The following UTP11 variants were observed in gnomAD, a reference collection of about 807,000 sequenced individuals.
UTP11 encodes UTP11 small subunit processome component, also known as probable U3 small nucleolar RNA-associated protein 11.
A neutral mutation model predicts 39.0 loss-of-function variants in UTP11; 29 were observed. That is an observed-to-expected ratio of 0.74 (90% CI 0.55 to 1.01). UTP11 has a LOEUF of 1.01. Ranked by LOEUF, UTP11 falls within the 50% of genes least tolerant of loss-of-function variation. The pLI is 0.00. For synonymous variants in UTP11, 111 were observed against 105.0 expected, an observed-to-expected ratio of 1.06 and a Z score of -0.35; for missense variants, 281 against 306.0, an observed-to-expected ratio of 0.92 and a Z score of 0.61.
At chr1:38,016,500 C>A in intron 2 of UTP11, 80 bp downstream of exon 2, 1 of 1,431,794 alleles carries the variant, frequency 7.0e-7, no homozygotes, top group Non-Finnish European at 9.8e-7. Context: ...GCCTGAGTGT[C>A]CAACAGGGGA....
At chr1:38,022,065 A>G (rs933020689) in intron 6 of UTP11, among the ~76,000 whole-genome samples, 2 of 152,166 alleles carry the variant, frequency 1.3e-5, no homozygotes, top group Admixed American at 1.3e-4. Context: ...TAAGATTTTC[A>G]GGCACCAGCA....
intron 6 of UTP11, among the ~76,000 whole-genome samples, chr1:38,021,199 G>A (rs1390868431): frequency 6.6e-6 from 1 of 152,170 alleles, no homozygotes; most frequent in East Asian, 1.9e-4. Context: ...GGGATTACAG[G>A]CGTGAGCTAC....
At chr1:38,015,183 C>T (rs1025999995) in intron 1 of UTP11, among the ~76,000 whole-genome samples, 2 of 152,042 alleles carry the variant, frequency 1.3e-5, no homozygotes, top group Non-Finnish European at 2.9e-5. Context: ...CCATCATGCC[C>T]GGCTAATTTT....
At chr1:38,021,434 G>A (rs1038754635) in intron 6 of UTP11, among the ~76,000 whole-genome samples, 4 of 152,170 alleles carry the variant, frequency 2.6e-5, no homozygotes, top group African/African-American at 9.7e-5. Context: ...GAGACTGCTG[G>A]TGGGTGGATT....
chr1:38,018,947 C>T (rs1306695277), intron 4 of UTP11, 112 bp from the exon 5 acceptor site: 1 of 925,498 alleles, frequency 1.1e-6, no homozygotes, highest in African/African-American at 1.7e-5. Flanking sequence ...AAAGCAAGTT[C>T]TTTGCTGGCT....
At chr1:38,015,681 C>T (rs1352118842) in intron 1 of UTP11, among the ~76,000 whole-genome samples, 1 of 152,218 alleles carries the variant, frequency 6.6e-6, no homozygotes, top group Non-Finnish European at 1.5e-5. Flanking sequence ...CTTCCATGCT[C>T]TCCAAGTCTA....
Position 38,012,833 on chromosome 1 carries a change from TC to T in UTP11, c.34del (p.Arg12GlyfsTer59). 1 of 1,614,154 alleles carries T rather than the reference TC, an allele frequency of 6.2e-7. No individual in the cohort carries two copies. The highest frequency in any genetic ancestry group is 8.5e-7 in the Non-Finnish European group (1 of 1,180,026). On this transcript the variant is annotated frameshift_variant, in exon 1 of 8. Transcript: ENST00000373014. LOFTEE classifies it high-confidence loss of function. Reference sequence around the variant, plus strand: ...GGCGGCTTTTCGGAAGGCGGCTAAGTCCCGGCAGCGGGAACACAGAGAGCGA... The same window carrying T: ...GGCGGCTTTTCGGAAGGCGGCTAAGTCCGGCAGCGGGAACACAGAGAGCGA... MAAAFRKAAK[S>X]RQREHRERSQ...
In UTP11 at chr1:38,013,962, G is replaced by A. The variant is rs183745760; in HGVS notation, c.63+1097G>A. Among the ~76,000 whole-genome samples, 90 of 152,236 alleles carry A rather than the reference G, an allele frequency of 5.9e-4. 1 individual carries two copies. The highest frequency in any genetic ancestry group is 2.1e-3 in the African/African-American group (87 of 41,556). On this transcript the variant is annotated intron_variant, in intron 1 of 7. Coordinates refer to ENST00000373014, the MANE Select transcript of UTP11 (RefSeq NM_016037.4). ...ACTCCTGACCTCTGGTGATCCACCC[G>A]CCTTGGCCTCCCAAAGTGCTGGGAT...
intron 1 of UTP11, among the ~76,000 whole-genome samples, chr1:38,015,017 A>C (rs1646700244): frequency 6.6e-6 from 1 of 151,306 alleles, no homozygotes. Context: ...ATTATTATAC[A>C]AGTTTTTTTT....
chr1:38,012,950 G>A (rs549141923), intron 1 of UTP11, 85 bp downstream of exon 1: 1 of 1,538,082 alleles, frequency 6.5e-7, no homozygotes, highest in African/African-American at 1.4e-5. Flanking sequence ...GTGGGATCCG[G>A]GTCCAAACTG....
At chr1:38,018,228 C>T (rs1235205822) in intron 3 of UTP11, among the ~76,000 whole-genome samples, 2 of 152,032 alleles carry the variant, frequency 1.3e-5, no homozygotes, top group African/African-American at 4.8e-5. Context: ...CACTACTGTG[C>T]CCGGCTAAGT....
intron 2 of UTP11, chr1:38,017,400 G>T: frequency 3.5e-6 from 1 of 287,644 alleles, no homozygotes; most frequent in East Asian, 6.5e-5. Flanking sequence ...TGATATAAAT[G>T]GCACTGAAAC....
Position 38,023,921 on chromosome 1 carries a change from T to C in UTP11, c.*293T>C. 4.9e-6 allele frequency: 1 copy of C among 204,878 alleles called. No homozygotes were observed. The highest frequency in any genetic ancestry group is 9.7e-6 in the Non-Finnish European group (1 of 102,750). 12.7% of individuals were successfully genotyped at this position (204,878 alleles called of 1,614,324 possible). On this transcript the variant is annotated 3_prime_UTR_variant, in exon 8 of 8. Transcript: ENST00000373014. ...TGTGTGATTATGGCTCACTGCAACT[T>C]TGAACTCCTGGGCTCAAGTGATCTT... is the stretch of plus-strand genomic sequence containing the variant.
At chr1:38,019,725 C>G (rs566595789) in intron 6 of UTP11, among the ~76,000 whole-genome samples, 1 of 152,250 alleles carries the variant, frequency 6.6e-6, no homozygotes, top group Admixed American at 6.5e-5. Flanking sequence ...CTCAGTTGAT[C>G]TGCCTGCCTT....
Position 38,018,553 on chromosome 1 carries a change from A to C in UTP11, c.318A>C (p.Glu106Asp), listed in dbSNP as rs1471302801. The C allele has an allele frequency of 3.7e-6, 6 of 1,613,464 alleles. No homozygotes were observed. Among genetic ancestry groups the C allele is most frequent in the Non-Finnish European group, 4.2e-6 (5 of 1,179,666 alleles). Residue 106 changes from glutamate to aspartate, a missense_variant, in exon 4 of 8, where the codon GAA (glutamate) becomes GAC (aspartate). Glu to Asp is a conservative substitution (Grantham distance 45, BLOSUM62 2). Coordinates refer to ENST00000373014, the MANE Select transcript of UTP11 (RefSeq NM_016037.4). ...LMRTQDVKYI[E>D]MKRVAEAKKI... ...GAACTCAGGACGTCAAATATATAGA[A>C]ATGAAGAGGGTTGCAGAAGCTAAGG...
chr1:38,019,443 G>GTTTTTTTTTTT (rs869306672), intron 6 of UTP11, 60 bp downstream of exon 6: 2 of 957,064 alleles, frequency 2.1e-6, no homozygotes, highest in Non-Finnish European at 1.4e-6. Context: ...TTTTTTTTTT[G>GTTTTTTTTTTT]TTTTTTTTTT....
intron 4 of UTP11, 103 bp downstream of exon 4, chr1:38,018,680 A>C: frequency 1.3e-5 from 12 of 891,982 alleles, no homozygotes; most frequent in Non-Finnish European, 1.9e-5. Context: ...TTACAATCTC[A>C]CTTGATTGTA....
At chr1:38,016,992 G>T (rs1208084246) in intron 2 of UTP11, 1 of 154,834 alleles carries the variant, frequency 6.5e-6, no homozygotes, top group Non-Finnish European at 1.4e-5. Flanking sequence ...GGTCTAGATG[G>T]TGGTGATGGA....
chr1:38,016,656 C>G (rs1489550381), intron 2 of UTP11: 1 of 464,670 alleles, frequency 2.2e-6, no homozygotes, highest in Non-Finnish European at 3.9e-6. Context: ...TTATGTTGTT[C>G]CAGATCATTT....
Sources: allele counts gnomAD v4.1 joint callset (sites outside exome capture counted in the v4.1 genomes callset), GRCh38; gene constraint gnomAD v4.1.1; transcripts MANE v1.5; gene names NCBI Gene and HGNC (gene_info 2026-07-23, HGNC 2026-07-21).